PCSK5: variants seen among roughly 807,000 people sequenced by gnomAD.
PCSK5 encodes the protein prohormone convertase 5.
PCSK5 carries 129 observed loss-of-function variants against 233.2 expected under a neutral mutation model. That is an observed-to-expected ratio of 0.55 (90% CI 0.48 to 0.64). PCSK5 has a LOEUF of 0.64. Among genes scored for constraint, PCSK5 ranks in the 30% least tolerant of loss-of-function variants. PCSK5 has a pLI of 0.00. For synonymous variants in PCSK5, 825 were observed against 879.2 expected, an observed-to-expected ratio of 0.94 and a Z score of 1.09; for missense variants, 2,076 against 2,430.1, an observed-to-expected ratio of 0.85 and a Z score of 3.06.
chr9:76,358,539 G>C lies in PCSK5; in HGVS notation c.5281G>C (p.Val1761Leu). ...TDECILRTSK[V>L]RPATEHFKTA... is the part of the protein sequence containing the mutation. ...CGAATGCATCCTTCGAACAAGCAAG[G>C]TTAGGCCTGCAACTGAGCATTTCAA... Residue 1761 changes from valine (V) to leucine (L), a missense_variant, in exon 38 of 38, where the codon GTT becomes CTT. By Grantham distance (32) the Val-to-Leu change is conservative. Transcript: ENST00000674117. 1 of 1,612,406 alleles carries C rather than the reference G, an allele frequency of 6.2e-7. No homozygotes were observed. The highest frequency in any genetic ancestry group is 8.5e-7 in the Non-Finnish European group (1 of 1,179,630).
At chr9:76,146,835 A>G (rs1422474205) in intron 10 of PCSK5, among the ~76,000 whole-genome samples, 1 of 152,166 alleles carries the variant, frequency 6.6e-6, no homozygotes, top group Non-Finnish European at 1.5e-5. Context: ...ACTTCTTTTC[A>G]TGTTCATGAG....
chr9:76,059,877 C>A (rs1000510548), intron 5 of PCSK5, among the ~76,000 whole-genome samples: 2 of 152,060 alleles, frequency 1.3e-5, no homozygotes, highest in African/African-American at 4.8e-5. Flanking sequence ...TACCTGATTT[C>A]TTATCAGAAA....
chr9:76,239,143 C>G lies in PCSK5; in HGVS notation c.3051C>G (p.Cys1017Trp), dbSNP rs1291444489. 1.3e-6 allele frequency: 2 copies of G among 1,588,808 alleles called. No homozygotes were observed. The highest frequency in any genetic ancestry group is 1.3e-5 in the African/African-American group (1 of 74,536). ...GYFIAPTNHT[C>W]QKLECGQGEV... ...TCATAGCGCCCACCAACCACACATG[C>G]CAGAAGTTAGAGTGTGGACAAGGTA... is the stretch of plus-strand genomic sequence containing the variant. The change falls in exon 23 of 38, where the codon TGC becomes TGG. Residue 1017 changes from cysteine (C) to tryptophan (W), a missense_variant. Physicochemically the swap from Cys to Trp is radical, Grantham distance 215 (BLOSUM62 -2). Coordinates refer to ENST00000674117, the MANE Select transcript of PCSK5 (RefSeq NM_001372043.1).
At chr9:75,957,474 G>C (rs960007963) in intron 2 of PCSK5, among the ~76,000 whole-genome samples, 8 of 152,038 alleles carry the variant, frequency 5.3e-5, no homozygotes, top group African/African-American at 1.9e-4. Flanking sequence ...TGACTTGTGG[G>C]TATAGCAAAG....
At position 76,362,299 on chromosome 9, in the gene PCSK5, A is replaced by G. The variant is rs1830442859; in HGVS notation, c.*3377A>G. ...AAGCATGGGAGGTTCCAGTTAATAG[A>G]AAGTAATTTTAAAATTGGAAATAAA... On this transcript the variant is annotated 3_prime_UTR_variant, in exon 38 of 38. Transcript: ENST00000674117. 1 of 152,242 alleles carries G rather than the reference A, an allele frequency of 6.6e-6. No individual in the cohort carries two copies. The highest frequency in any genetic ancestry group is 1.5e-5 in the Non-Finnish European group (1 of 68,036). 9.4% of individuals were successfully genotyped at this position (152,242 alleles called of 1,614,324 possible). A position where few individuals can be genotyped will look rare whatever the true frequency, so the allele number is the denominator to read the frequency against.
At chr9:76,246,759 A>ACGATC (rs1423650640) in intron 24 of PCSK5, among the ~76,000 whole-genome samples, 1 of 152,238 alleles carries the variant, frequency 6.6e-6, no homozygotes, top group East Asian at 1.9e-4. Context: ...AAGAGCAAAG[A>ACGATC]CGATCCGTAT....
chr9:76,001,189 A>G (rs886703800), intron 3 of PCSK5, among the ~76,000 whole-genome samples: 1 of 152,156 alleles, frequency 6.6e-6, no homozygotes, highest in African/African-American at 2.4e-5. Context: ...CGCGCTGTGT[A>G]CAACACTCTC....
chr9:76,325,102 T>A (rs1265441573), intron 32 of PCSK5, among the ~76,000 whole-genome samples: 1 of 152,064 alleles, frequency 6.6e-6, no homozygotes, highest in African/African-American at 2.4e-5. Context: ...CCTGCCCATA[T>A]GTGAAAAGGC....
chr9:75,972,594 C>T (rs553839669), intron 2 of PCSK5, among the ~76,000 whole-genome samples: 1 of 152,332 alleles, frequency 6.6e-6, no homozygotes, highest in Admixed American at 6.5e-5. Flanking sequence ...AGATCCTTCA[C>T]TTCCCTTGTT....
intron 20 of PCSK5, among the ~76,000 whole-genome samples, chr9:76,190,793 G>A (rs536991406): frequency 2.0e-5 from 3 of 152,136 alleles, no homozygotes; most frequent in Non-Finnish European, 4.4e-5. Flanking sequence ...CAAAATGTTG[G>A]TCTGTTCTTT....
intron 16 of PCSK5, among the ~76,000 whole-genome samples, chr9:76,182,500 T>C (rs1009735676): frequency 1.4e-5 from 2 of 144,606 alleles, no homozygotes; most frequent in Non-Finnish European, 3.0e-5. Context: ...ATTTTCTACA[T>C]GGCAATACAA....
chr9:75,964,112 G>A (rs569176533), intron 2 of PCSK5, among the ~76,000 whole-genome samples: 131 of 152,284 alleles, frequency 8.6e-4, no homozygotes, highest in Middle Eastern at 3.4e-3. Flanking sequence ...GACTGTCATT[G>A]TGGTTCTTGG....
At chr9:76,148,186 CTCTAGATCAACCCGGTCT>C (rs542667019) in intron 10 of PCSK5, among the ~76,000 whole-genome samples, 462 of 151,696 alleles carry the variant, frequency 3.0e-3, no homozygotes, top group Non-Finnish European at 5.0e-3. Context: ...AGGATTCATG[CTCTAGATCAACCCGGTCT>C]AGATCTCTCT....
intron 7 of PCSK5, among the ~76,000 whole-genome samples, chr9:76,075,403 C>T (rs891767053): frequency 3.3e-5 from 5 of 151,976 alleles, no homozygotes; most frequent in East Asian, 3.9e-4. Context: ...TCTAGTTATC[C>T]GTGTTTGTAG....
chr9:76,014,280 C>T (rs573546865), intron 3 of PCSK5, among the ~76,000 whole-genome samples: 10 of 152,182 alleles, frequency 6.6e-5, no homozygotes, highest in Admixed American at 1.3e-4. Context: ...TTATGAGCTC[C>T]GGCATAGGAA....
chr9:75,894,243 C>G (rs1026092306), intron 1 of PCSK5, among the ~76,000 whole-genome samples: 1 of 152,092 alleles, frequency 6.6e-6, no homozygotes, highest in Non-Finnish European at 1.5e-5. Context: ...TAAATTTTCA[C>G]CACAGTAAAG....
At chr9:76,177,067 A>G (rs1489813408) in intron 14 of PCSK5, among the ~76,000 whole-genome samples, 1 of 152,174 alleles carries the variant, frequency 6.6e-6, no homozygotes, top group African/African-American at 2.4e-5. Context: ...AGGAGGGTGG[A>G]TTGCCTGAGC....
chr9:76,204,100 T>G (rs1201488941), intron 20 of PCSK5, among the ~76,000 whole-genome samples: 2 of 152,210 alleles, frequency 1.3e-5, no homozygotes, highest in African/African-American at 4.8e-5. Flanking sequence ...CCAGAATTTT[T>G]TATTCATTGT....
chr9:76,190,888 T>TTTAAC (rs1207049995), intron 20 of PCSK5, among the ~76,000 whole-genome samples: 4 of 152,160 alleles, frequency 2.6e-5, no homozygotes, highest in Non-Finnish European at 4.4e-5. Context: ...TGATCATAGG[T>TTTAAC]TTAACTTCCC....
Sources: gnomAD v4.1 joint callset for allele counts (sites outside exome capture counted in the v4.1 genomes callset) on GRCh38, gnomAD v4.1.1 for gene constraint, MANE v1.5 for transcripts, NCBI Gene and HGNC (gene_info 2026-07-23, HGNC 2026-07-21) for gene names.